Variants in PTPRG observed in about 807,000 individuals in gnomAD.
The protein encoded by PTPRG is protein tyrosine phosphatase receptor type G, also known as receptor-type tyrosine-protein phosphatase gamma.
PTPRG carries 102 observed loss-of-function variants against 165.3 expected under a neutral mutation model. The ratio of observed to expected loss-of-function variants is 0.62; its 90% CI spans 0.53 to 0.73. PTPRG has a LOEUF of 0.73. Among genes scored for constraint, PTPRG ranks in the 30% least tolerant of loss-of-function variants. The probability of loss-of-function intolerance (pLI) is 0.00; values close to 1 mark genes in which losing one functional copy is unlikely to be tolerated. For missense variants in PTPRG, 1,866 were observed against 1,861.4 expected (o/e 1.00, Z -0.05); for synonymous variants, 675 against 669.5 (o/e 1.01, Z -0.13).
chr3:61,618,726 T>C (rs1202140215), intron 1 of PTPRG, among the ~76,000 whole-genome samples: 2 of 152,184 alleles, frequency 1.3e-5, no homozygotes, highest in Non-Finnish European at 2.9e-5. Flanking sequence ...ATAAAAAATT[T>C]TGGCTCATAA....
At chr3:62,012,658 C>T (rs191178519) in intron 4 of PTPRG, among the ~76,000 whole-genome samples, 4 of 152,018 alleles carry the variant, frequency 2.6e-5, no homozygotes, top group African/African-American at 4.8e-5. Context: ...CATTGCAACC[C>T]GTCACGTGAG....
In PTPRG at chr3:61,738,313, CATAT is replaced by C. The variant is rs1287861300; in HGVS notation, c.86-10544_86-10541del. Reference sequence around the variant, plus strand: ...ATATATATATATATATATATATATACATATATATATATATATATATATATGTATA... The same window carrying C: ...ATATATATATATATATATATATATACATATATATATATATATATATGTATA... On this transcript the variant is annotated intron_variant, in intron 1 of 29. Transcript: ENST00000474889. Among the ~76,000 whole-genome samples the C allele has an allele frequency of 5.4e-4, 41 of 76,190 alleles. 2 individuals carry two copies. The highest frequency in any genetic ancestry group is 2.2e-3 in the South Asian group (4 of 1,788). The allele number at this position is 76,190 out of a possible 152,430, so 50.0% of individuals were successfully genotyped here. A position where few individuals can be genotyped will look rare whatever the true frequency, so the allele number is the denominator to read the frequency against.
chr3:62,006,703 G>A (rs1251582667), intron 4 of PTPRG, among the ~76,000 whole-genome samples: 2 of 152,048 alleles, frequency 1.3e-5, no homozygotes, highest in Non-Finnish European at 2.9e-5. Flanking sequence ...CTGCACCCTG[G>A]GACATTAGGT....
intron 2 of PTPRG, among the ~76,000 whole-genome samples, chr3:61,825,535 A>G (rs1007568520): frequency 2.6e-5 from 4 of 152,200 alleles, no homozygotes; most frequent in Non-Finnish European, 5.9e-5. Flanking sequence ...TAGTTACTAG[A>G]TTCTAGGTAT....
intron 1 of PTPRG, among the ~76,000 whole-genome samples, chr3:61,724,051 G>A (rs1036949539): frequency 5.3e-5 from 8 of 152,000 alleles, no homozygotes; most frequent in African/African-American, 1.9e-4. Context: ...GACCAATATG[G>A]TGAAACCTTG....
At chr3:61,596,954 G>A (rs1417926279) in intron 1 of PTPRG, among the ~76,000 whole-genome samples, 1 of 152,074 alleles carries the variant, frequency 6.6e-6, no homozygotes, top group Non-Finnish European at 1.5e-5. Flanking sequence ...GTAATTTATA[G>A]TGAAGAGAAA....
At chr3:61,615,155 C>T (rs1417721150) in intron 1 of PTPRG, among the ~76,000 whole-genome samples, 2 of 152,248 alleles carry the variant, frequency 1.3e-5, no homozygotes, top group Non-Finnish European at 2.9e-5. Context: ...ACAATACATC[C>T]ATCAGTATTG....
intron 1 of PTPRG, among the ~76,000 whole-genome samples, chr3:61,741,617 C>T (rs2032988372): frequency 6.6e-6 from 1 of 152,192 alleles, no homozygotes; most frequent in Non-Finnish European, 1.5e-5. Flanking sequence ...GGGATGTTCT[C>T]ATCACAGACT....
At chr3:62,133,908 G>A (rs183643855) in intron 6 of PTPRG, among the ~76,000 whole-genome samples, 7 of 152,148 alleles carry the variant, frequency 4.6e-5, no homozygotes, top group Non-Finnish European at 7.4e-5. Context: ...ACTTGAATCC[G>A]GGAGGCGGAG....
intron 7 of PTPRG, among the ~76,000 whole-genome samples, chr3:62,162,579 G>A (rs776658093): frequency 2.0e-5 from 3 of 152,200 alleles, no homozygotes; most frequent in Non-Finnish European, 4.4e-5. Context: ...TCTTGTTCAT[G>A]CCTCCCAGTT....
At chr3:62,140,665 G>C (rs969362641) in intron 6 of PTPRG, among the ~76,000 whole-genome samples, 4 of 152,010 alleles carry the variant, frequency 2.6e-5, no homozygotes, top group African/African-American at 9.7e-5. Context: ...TGACCAACAT[G>C]GTGAAACCCC....
At chr3:61,629,564 G>C (rs114875362) in intron 1 of PTPRG, among the ~76,000 whole-genome samples, 1 of 152,134 alleles carries the variant, frequency 6.6e-6, no homozygotes, top group African/African-American at 2.4e-5. Context: ...GTTCATCTGC[G>C]CTGCTGCTTT....
At chr3:61,793,352 T>C (rs879302900) in intron 2 of PTPRG, among the ~76,000 whole-genome samples, 1 of 152,188 alleles carries the variant, frequency 6.6e-6, no homozygotes, top group Non-Finnish European at 1.5e-5. Context: ...TGAGCATCTT[T>C]TCTGAGTTTG....
intron 1 of PTPRG, among the ~76,000 whole-genome samples, chr3:61,616,932 C>T (rs1313040153): frequency 1.3e-5 from 2 of 151,966 alleles, no homozygotes; most frequent in African/African-American, 4.8e-5. Flanking sequence ...CCATCGATGC[C>T]GGAAGATAAC....
intron 4 of PTPRG, among the ~76,000 whole-genome samples, chr3:62,032,479 T>C (rs1331557687): frequency 6.6e-6 from 1 of 152,182 alleles, no homozygotes; most frequent in Non-Finnish European, 1.5e-5. Context: ...GGCAACTCAG[T>C]AGAGCCTTTG....
chr3:62,223,101 T>A (rs940823636), intron 13 of PTPRG, among the ~76,000 whole-genome samples: 1 of 151,950 alleles, frequency 6.6e-6, no homozygotes, highest in African/African-American at 2.4e-5. Flanking sequence ...GCAGATAATG[T>A]GGCTCAGTGT....
chr3:62,008,328 T>C (rs79038750), intron 4 of PTPRG, among the ~76,000 whole-genome samples: 8,051 of 152,272 alleles, frequency 0.053, 311 homozygotes, highest in African/African-American at 0.11. Flanking sequence ...TTTATGACAA[T>C]AAAAGATCAC....
At chr3:61,951,498 G>T (rs1047715681) in intron 2 of PTPRG, among the ~76,000 whole-genome samples, 1 of 152,126 alleles carries the variant, frequency 6.6e-6, no homozygotes, top group Non-Finnish European at 1.5e-5. Context: ...ATTCTTCTTT[G>T]TATGGTTCTA....
intron 2 of PTPRG, among the ~76,000 whole-genome samples, chr3:61,909,581 G>T (rs2038749565): frequency 6.6e-6 from 1 of 152,000 alleles, no homozygotes; most frequent in African/African-American, 2.4e-5. Flanking sequence ...GAGCTCCTGG[G>T]CTCAAGCAGT....
Sources: gnomAD v4.1 joint callset for allele counts (sites outside exome capture counted in the v4.1 genomes callset) on GRCh38, gnomAD v4.1.1 for gene constraint, MANE v1.5 for transcripts, NCBI Gene and HGNC (gene_info 2026-07-23, HGNC 2026-07-21) for gene names.